LGR4: variants seen among roughly 807,000 people sequenced by gnomAD.
LGR4 encodes the protein leucine rich repeat containing G protein-coupled receptor 4.
Under a neutral mutation model 84.8 loss-of-function variants are expected in LGR4, and 44 were observed. The observed-to-expected ratio is 0.52, with a 90% CI of 0.41 to 0.67. The LOEUF (loss-of-function observed/expected upper bound fraction) is 0.67. LGR4 is among the 30% of genes least tolerant of loss of function. The pLI, the probability that LGR4 is intolerant of heterozygous loss-of-function variation, is 0.00. For synonymous variants in LGR4, 429 were observed against 434.3 expected (o/e 0.99, Z 0.15); for missense variants, 1,032 against 1,131.4 (o/e 0.91, Z 1.26).
At chr11:27,389,450 G>GA (rs1241892491) in intron 4 of LGR4, among the ~76,000 whole-genome samples, 1 of 152,004 alleles carries the variant, frequency 6.6e-6, no homozygotes, top group East Asian at 1.9e-4. Flanking sequence ...TGATTTCTGT[G>GA]AAAAACATCA....
chr11:27,372,753 A>G (rs1378826297), intron 15 of LGR4, among the ~76,000 whole-genome samples: 1 of 152,210 alleles, frequency 6.6e-6, no homozygotes, highest in Non-Finnish European at 1.5e-5. Flanking sequence ...TGATAGTTTC[A>G]CTTAAAATTA....
rs1464796752 is a variant in LGR4, at chr11:27,380,289, G to A, written c.953C>T (p.Thr318Ile). The change falls in exon 10 of 18, where the codon ACT becomes ATT. Residue 318 changes from threonine (T) to isoleucine (I), a missense_variant. Physicochemically the swap from Thr to Ile is moderately conservative, Grantham distance 89. Coordinates refer to ENST00000379214, the MANE Select transcript of LGR4 (RefSeq NM_018490.5). ...MVQQFPNLTG[T>I]VHLESLTLTG... ...TACTTACAGACTTTCCAGGTGGACA[G>A]TTCCTGTAAGATTGGGGAACTGCTG... The A allele has an allele frequency of 1.5e-5, 24 of 1,610,150 alleles. No homozygotes were observed. The highest frequency in any genetic ancestry group is 2.0e-5 in the Non-Finnish European group (24 of 1,177,460).
At chr11:27,399,562 C>A (rs889298722) in intron 2 of LGR4, among the ~76,000 whole-genome samples, 1 of 151,612 alleles carries the variant, frequency 6.6e-6, no homozygotes, top group East Asian at 1.9e-4. Flanking sequence ...CACTGTCTCC[C>A]AGGCTGGAGT....
At chr11:27,435,060 G>C (rs1864184806) in intron 1 of LGR4, among the ~76,000 whole-genome samples, 1 of 152,126 alleles carries the variant, frequency 6.6e-6, no homozygotes. Flanking sequence ...ACTTGGCCAG[G>C]TGCAGAGGCT....
intron 1 of LGR4, among the ~76,000 whole-genome samples, chr11:27,448,342 G>A (rs1390223561): frequency 6.6e-6 from 1 of 151,068 alleles, no homozygotes; most frequent in Non-Finnish European, 1.5e-5. Context: ...GCCCAGGCTG[G>A]AGTGCAATGG....
At chr11:27,418,601 C>A (rs1863864981) in intron 1 of LGR4, among the ~76,000 whole-genome samples, 1 of 152,098 alleles carries the variant, frequency 6.6e-6, no homozygotes. Context: ...GCCACAACAC[C>A]CATATTGACA....
rs1863304030 is a variant in LGR4, at chr11:27,392,501, T to C, written c.275A>G (p.Asp92Gly). The stretch of plus-strand genomic sequence containing the variant: ...GGCCTTTGGGTGGATAAAAGAAAGG[T>C]CGTTGCCCGCCAATTGTCTAGAGAA... The part of the protein sequence containing the change: ...FLEELQLAGN[D>G]LSFIHPKALS... Residue 92 changes from aspartate (D) to glycine (G), a missense_variant, in exon 3 of 18, where the codon GAC becomes GGC. Asp to Gly is a moderately conservative substitution (Grantham distance 94). Coordinates refer to ENST00000379214, the MANE Select transcript of LGR4 (RefSeq NM_018490.5). The C allele has an allele frequency of 1.3e-6, 2 of 1,584,454 alleles. No homozygotes were observed. Among genetic ancestry groups the C allele is most frequent in the Non-Finnish European group, 8.6e-7 (1 of 1,169,580 alleles).
intron 1 of LGR4, among the ~76,000 whole-genome samples, chr11:27,424,333 A>G (rs1590382612): frequency 6.6e-6 from 1 of 152,068 alleles, no homozygotes; most frequent in East Asian, 1.9e-4. Flanking sequence ...TGAGCCCAGG[A>G]GTTTGAGACA....
intron 2 of LGR4, among the ~76,000 whole-genome samples, chr11:27,401,595 G>A (rs1863505498): frequency 6.6e-6 from 1 of 152,126 alleles, no homozygotes; most frequent in African/African-American, 2.4e-5. Context: ...CCTAAGCATG[G>A]CAAAGGAGGT....
At chr11:27,449,621 T>TA (rs1864449687) in intron 1 of LGR4, among the ~76,000 whole-genome samples, 1 of 145,382 alleles carries the variant, frequency 6.9e-6, no homozygotes, top group South Asian at 2.2e-4. Context: ...TTACTATTAT[T>TA]AAAAAAAGAA....
intron 1 of LGR4, among the ~76,000 whole-genome samples, chr11:27,442,576 T>A (rs1359049221): frequency 1.3e-5 from 2 of 152,160 alleles, no homozygotes; most frequent in African/African-American, 4.8e-5. Flanking sequence ...ACCACTATGT[T>A]GTCAACAACA....
At chr11:27,429,613 G>T (rs750613027) in intron 1 of LGR4, among the ~76,000 whole-genome samples, 39 of 152,080 alleles carry the variant, frequency 2.6e-4, no homozygotes, top group Non-Finnish European at 7.4e-5. Flanking sequence ...CAAACAACCT[G>T]CAAATAGAGG....
chr11:27,472,087 CCCCCCTCGCG>C, intron 1 of LGR4, 21 bp downstream of exon 1: 3 of 1,279,888 alleles, frequency 2.3e-6, no homozygotes, highest in Non-Finnish European at 3.0e-6. Flanking sequence ...GTTTCCTCCC[CCCCCCTCGCG>C]TCCCCGCCGC....
intron 1 of LGR4, among the ~76,000 whole-genome samples, chr11:27,440,804 C>A (rs1202537699): frequency 6.6e-6 from 1 of 152,098 alleles, no homozygotes; most frequent in East Asian, 1.9e-4. Flanking sequence ...CTAGCAGCAC[C>A]AATATCACCT....
intron 1 of LGR4, among the ~76,000 whole-genome samples, chr11:27,458,422 A>G (rs1416730978): frequency 6.6e-6 from 1 of 152,216 alleles, no homozygotes; most frequent in East Asian, 1.9e-4. Context: ...TGGTCACATG[A>G]CTGTATACAT....
chr11:27,443,867 T>C (rs1864342790), intron 1 of LGR4, among the ~76,000 whole-genome samples: 1 of 152,188 alleles, frequency 6.6e-6, no homozygotes, highest in Admixed American at 6.5e-5. Context: ...TTGGCTTCTT[T>C]CACCTCTGTT....
chr11:27,374,661 T>G lies in LGR4; in HGVS notation c.1182-615A>C, dbSNP rs531345096. 1.4e-4 allele frequency among the ~76,000 whole-genome samples: 21 copies of G among 152,294 alleles called. No homozygotes were observed. In the South Asian group the frequency reaches 4.3e-3, roughly 32 times the overall value. On this transcript the variant is annotated intron_variant, in intron 13 of 17. Transcript: ENST00000379214. The stretch of plus-strand genomic sequence containing the variant: ...ACTTACACTGAACCTTAAAGGAAAT[T>G]TAAACATTGAGTAAATTCATTCTGA...
chr11:27,368,617 T>C lies in LGR4; in HGVS notation c.2106A>G (p.Pro702=), dbSNP rs377036983. Residue 702 remains proline, a synonymous_variant, in exon 18 of 18, where the codon CCA becomes CCG. Transcript: ENST00000379214. ...LCLPFPTGET[P]SLGFTVTLVL... is the part of the protein sequence containing the mutation. ...CTAACGTTACAGTGAATCCTAATGA[T>C]GGCGTTTCACCTGTAGGAAATGGCA... 19 of 1,613,828 alleles carry C rather than the reference T, an allele frequency of 1.2e-5. No individual in the cohort carries two copies. In the African/African-American group the frequency reaches 1.2e-4, roughly 10 times the overall value.
chr11:27,392,780 A>G (rs1269447619), intron 2 of LGR4, among the ~76,000 whole-genome samples: 1 of 152,196 alleles, frequency 6.6e-6, no homozygotes, highest in Non-Finnish European at 1.5e-5. Context: ...CAAGCAAGCC[A>G]AAACACATTA....
Sources: allele counts gnomAD v4.1 joint callset (sites outside exome capture counted in the v4.1 genomes callset), GRCh38; gene constraint gnomAD v4.1.1; transcripts MANE v1.5; gene names NCBI Gene and HGNC (gene_info 2026-07-23, HGNC 2026-07-21).